The following SPTSSB variants were observed in gnomAD, a reference collection of about 807,000 sequenced individuals.
SPTSSB encodes serine palmitoyltransferase small subunit B.
In SPTSSB, 6 loss-of-function variants were observed where a neutral mutation model predicts 7.7. The ratio of observed to expected loss-of-function variants is 0.78; its 90% CI spans 0.43 to 1.54. The LOEUF (loss-of-function observed/expected upper bound fraction) is 1.54, where lower values mean the gene tolerates loss of function less well. SPTSSB is among the 40% of genes most tolerant of loss of function. SPTSSB has a pLI of 0.01. For synonymous variants in SPTSSB, 28 were observed against 29.7 expected (o/e 0.94, Z 0.19); for missense variants, 91 against 93.0 (o/e 0.98, Z 0.09).
At chr3:161,367,004 A>G (rs904096750) in intron 1 of SPTSSB, among the ~76,000 whole-genome samples, 2 of 152,058 alleles carry the variant, frequency 1.3e-5, no homozygotes, top group Non-Finnish European at 2.9e-5. Flanking sequence ...GTGAAACCCC[A>G]TCTCTACTAA....
At chr3:161,355,938 T>A (rs571696955) in intron 2 of SPTSSB, among the ~76,000 whole-genome samples, 67 of 152,330 alleles carry the variant, frequency 4.4e-4, no homozygotes, top group African/African-American at 1.6e-3. Flanking sequence ...ATAATATTTT[T>A]AAAAAGTTAT....
At chr3:161,353,838 G>T (rs1172896602) in intron 2 of SPTSSB, among the ~76,000 whole-genome samples, 1 of 152,088 alleles carries the variant, frequency 6.6e-6, no homozygotes, top group Non-Finnish European at 1.5e-5. Context: ...GTGCCCTACA[G>T]AAAATTCCAT....
At chr3:161,368,497 G>A (rs1715313937) in intron 1 of SPTSSB, among the ~76,000 whole-genome samples, 2 of 150,566 alleles carry the variant, frequency 1.3e-5, no homozygotes, top group African/African-American at 2.4e-5. Context: ...CGGGATCTCG[G>A]CTCACTGCAA....
At chr3:161,363,948 G>GTAT (rs1715113828) in intron 1 of SPTSSB, among the ~76,000 whole-genome samples, 1 of 138,638 alleles carries the variant, frequency 7.2e-6, no homozygotes, top group Non-Finnish European at 1.5e-5. Flanking sequence ...GACACAGGAT[G>GTAT]TATAGATGGT....
In SPTSSB at chr3:161,371,479, G is replaced by A; in HGVS notation, c.-170C>T. 1.0e-6 allele frequency: 1 copy of A among 985,524 alleles called. No individual in the cohort carries two copies. Among genetic ancestry groups the A allele is most frequent in the Non-Finnish European group, 1.2e-6 (1 of 830,014 alleles). 61.0% of individuals were successfully genotyped at this position (985,524 alleles called of 1,614,324 possible). A position where few individuals can be genotyped will look rare whatever the true frequency, so the allele number is the denominator to read the frequency against. On this transcript the variant is annotated 5_prime_UTR_variant, in exon 1 of 3. Coordinates refer to ENST00000620149, the MANE Select transcript of SPTSSB (RefSeq NM_001040100.2). Reference sequence around the variant, plus strand: ...CCCTGCGGCTTAGGTGAGCGCCGAGGCTTTGGCTCCTCCCCAGCTGCTGCG... The same window carrying A: ...CCCTGCGGCTTAGGTGAGCGCCGAGACTTTGGCTCCTCCCCAGCTGCTGCG...
In SPTSSB at chr3:161,346,160, A is replaced by T. The variant is rs1239799232; in HGVS notation, c.164T>A (p.Ile55Asn). ...VVYTAYVFIP[I>N]HIRLAWEFFS... is the part of the protein sequence containing the mutation. Reference sequence around the variant, plus strand: ...AAATTCCCAAGCCAGGCGAATGTGGATTGGAATAAAGACATAGGCAGTGTA... The same window carrying T: ...AAATTCCCAAGCCAGGCGAATGTGGTTTGGAATAAAGACATAGGCAGTGTA... The change falls in exon 3 of 3, where the codon ATC becomes AAC. Residue 55 changes from isoleucine to asparagine, a missense_variant. Transcript: ENST00000620149. 1.2e-6 allele frequency: 2 copies of T among 1,612,664 alleles called. No homozygotes were observed. Among genetic ancestry groups the T allele is most frequent in the African/African-American group, 1.3e-5 (1 of 74,916 alleles).
intron 1 of SPTSSB, among the ~76,000 whole-genome samples, chr3:161,360,551 G>A (rs962379379): frequency 4.5e-4 from 68 of 152,282 alleles, no homozygotes; most frequent in African/African-American, 1.6e-3. Flanking sequence ...AAAATGTCTT[G>A]TAATTTGTGA....
At chr3:161,365,164 A>G (rs745342681) in intron 1 of SPTSSB, among the ~76,000 whole-genome samples, 1 of 152,228 alleles carries the variant, frequency 6.6e-6, no homozygotes, top group Non-Finnish European at 1.5e-5. Flanking sequence ...CTTTATATGA[A>G]TTACTTTATG....
intron 1 of SPTSSB, among the ~76,000 whole-genome samples, chr3:161,370,198 CA>C (rs1237259045): frequency 6.6e-6 from 1 of 152,182 alleles, no homozygotes; most frequent in African/African-American, 2.4e-5. Flanking sequence ...TGCAAATTTA[CA>C]GTGAATTAAG....
intron 1 of SPTSSB, among the ~76,000 whole-genome samples, chr3:161,364,461 CAA>C (rs1715137758): frequency 6.6e-6 from 1 of 152,062 alleles, no homozygotes; most frequent in Non-Finnish European, 1.5e-5. Flanking sequence ...AAGAAAGCAG[CAA>C]AGTTACTGGG....
chr3:161,365,383 T>C (rs1275117291), intron 1 of SPTSSB, among the ~76,000 whole-genome samples: 2 of 152,158 alleles, frequency 1.3e-5, no homozygotes, highest in Admixed American at 1.3e-4. Flanking sequence ...ACACACAGTG[T>C]GGTTTATGCT....
intron 1 of SPTSSB, among the ~76,000 whole-genome samples, chr3:161,363,873 A>G (rs1477128058): frequency 6.6e-6 from 1 of 152,110 alleles, no homozygotes; most frequent in Non-Finnish European, 1.5e-5. Context: ...GGTCACTGCT[A>G]TAAGCTTAAC....
chr3:161,369,134 C>G (rs138840507), intron 1 of SPTSSB, among the ~76,000 whole-genome samples: 1 of 152,182 alleles, frequency 6.6e-6, no homozygotes, highest in Non-Finnish European at 1.5e-5. Flanking sequence ...TTTTGAGGAA[C>G]GATCAAACTC....
intron 2 of SPTSSB, among the ~76,000 whole-genome samples, chr3:161,352,498 GCA>G (rs1029634911): frequency 6.6e-5 from 10 of 152,152 alleles, no homozygotes; most frequent in African/African-American, 2.4e-4. Flanking sequence ...TTTTAGTTAT[GCA>G]CAGTCTGTTT....
intron 1 of SPTSSB, among the ~76,000 whole-genome samples, chr3:161,366,388 A>AT (rs1166758203): frequency 2.0e-5 from 3 of 151,876 alleles, no homozygotes; most frequent in Non-Finnish European, 2.9e-5. Context: ...CTGATATACT[A>AT]TTTTTTTCTG....
intron 1 of SPTSSB, 23 bp downstream of exon 1, chr3:161,371,412 T>C (rs1715503520): frequency 1.0e-6 from 1 of 985,254 alleles, no homozygotes; most frequent in Non-Finnish European, 1.2e-6. Flanking sequence ...ACAGTTCAAG[T>C]AGGTATTTTG....
intron 2 of SPTSSB, among the ~76,000 whole-genome samples, chr3:161,349,002 C>G (rs1291693261): frequency 1.3e-5 from 2 of 152,052 alleles, no homozygotes; most frequent in East Asian, 3.9e-4. Context: ...TTTCTTATCT[C>G]CTGTGGGACT....
intron 2 of SPTSSB, among the ~76,000 whole-genome samples, chr3:161,351,842 T>G (rs1224251777): frequency 6.6e-6 from 1 of 152,276 alleles, no homozygotes; most frequent in Non-Finnish European, 1.5e-5. Context: ...AATCCAACTT[T>G]AAGGCTTAAG....
intron 2 of SPTSSB, among the ~76,000 whole-genome samples, chr3:161,358,683 G>A (rs1224286015): frequency 6.6e-6 from 1 of 152,148 alleles, no homozygotes. Context: ...TTCAAAACCA[G>A]TTTTAGAGAG....
Sources: allele counts gnomAD v4.1 joint callset (sites outside exome capture counted in the v4.1 genomes callset), GRCh38; gene constraint gnomAD v4.1.1; transcripts MANE v1.5; gene names NCBI Gene and HGNC (gene_info 2026-07-23, HGNC 2026-07-21).